The following PDE4A variants were observed in gnomAD, a reference collection of about 807,000 sequenced individuals.
PDE4A encodes the protein 3',5'-cyclic-AMP phosphodiesterase 4A.
Under a neutral mutation model 73.9 loss-of-function variants are expected in PDE4A, and 21 were observed. The ratio of observed to expected loss-of-function variants is 0.28; its 90% CI spans 0.20 to 0.41. The LOEUF (loss-of-function observed/expected upper bound fraction) is 0.41, where lower values mean the gene tolerates loss of function less well. Ranked by LOEUF, PDE4A falls within the 10% of genes least tolerant of loss-of-function variation. PDE4A has a pLI of 1.00. For missense variants in PDE4A, 958 were observed against 1,211.4 expected, an observed-to-expected ratio of 0.79 and a Z score of 3.10; for synonymous variants, 463 against 505.4, an observed-to-expected ratio of 0.92 and a Z score of 1.13.
intron 1 of PDE4A, chr19:10,427,404 T>C (rs1022261418): frequency 4.2e-5 from 32 of 761,516 alleles, no homozygotes; most frequent in Non-Finnish European, 4.6e-5. Context: ...GTGTGTCTGA[T>C]ACGTTGGAGG....
intron 1 of PDE4A, among the ~76,000 whole-genome samples, chr19:10,438,108 C>G (rs2042889271): frequency 6.6e-6 from 1 of 151,394 alleles, no homozygotes; most frequent in African/African-American, 2.4e-5. Context: ...TTCACCCAGC[C>G]TCCAAGACTT....
intron 1 of PDE4A, among the ~76,000 whole-genome samples, chr19:10,433,163 A>ACACACACAGGGC (rs1314496218): frequency 1.9e-4 from 29 of 152,210 alleles, no homozygotes; most frequent in Middle Eastern, 3.4e-3. Context: ...TAACACAGAC[A>ACACACACAGGGC]CACACACAGG....
intron 1 of PDE4A, 42 bp from the exon 2 acceptor site, chr19:10,446,176 C>A (rs200123713): frequency 6.5e-7 from 1 of 1,540,012 alleles, no homozygotes; most frequent in African/African-American, 1.4e-5. Flanking sequence ...TCCCTAATAG[C>A]GTTTCAGCCT....
intron 1 of PDE4A, 82 bp from the exon 2 acceptor site, chr19:10,446,136 C>T (rs1469272453): frequency 2.0e-6 from 3 of 1,499,826 alleles, no homozygotes; most frequent in East Asian, 2.5e-5. Context: ...GCGTGAGCCA[C>T]CGCACCCGGC....
chr19:10,449,020 G>A (rs1429325577), intron 3 of PDE4A, 60 bp from the exon 4 acceptor site: 1 of 1,611,234 alleles, frequency 6.2e-7, no homozygotes, highest in African/African-American at 1.3e-5. Flanking sequence ...TTGGGGACAG[G>A]GCCCAGCCCC....
rs201445920 is a variant in PDE4A at position 10,469,502 on chromosome 19, C to T, written c.*1881C>T. ...GACAGACCCACCCCCAAGCAGGGCT[C>T]CTCTCCCCAGGGTGAGCACAGGACC... On this transcript the variant is annotated 3_prime_UTR_variant, in exon 15 of 15. Coordinates refer to ENST00000380702, the MANE Select transcript of PDE4A (RefSeq NM_001111307.2). The T allele has an allele frequency of 6.6e-6, 1 of 152,410 alleles. No individual in the cohort carries two copies. Among genetic ancestry groups the T allele is most frequent in the Non-Finnish European group, 1.5e-5 (1 of 68,118 alleles). The allele number at this position is 152,410 out of a possible 1,614,324, so 9.4% of individuals were successfully genotyped here.
chr19:10,467,691 C>G lies in PDE4A; in HGVS notation c.*70C>G. 1 of 1,203,468 alleles carries G rather than the reference C, an allele frequency of 8.3e-7. No homozygotes were observed. The highest frequency in any genetic ancestry group is 1.5e-5 in the South Asian group (1 of 64,870). 74.5% of individuals were successfully genotyped at this position (1,203,468 alleles called of 1,614,324 possible). ...CCCCTGCTCCCCCGACCACCTCCTC[C>G]TCTGCCTCAAAGACTCTTGTCCTCT... On this transcript the variant is annotated 3_prime_UTR_variant, in exon 15 of 15. Coordinates refer to ENST00000380702, the MANE Select transcript of PDE4A (RefSeq NM_001111307.2).
At chr19:10,435,701 G>A (rs1245982194) in intron 1 of PDE4A, among the ~76,000 whole-genome samples, 2 of 152,190 alleles carry the variant, frequency 1.3e-5, no homozygotes, top group East Asian at 3.8e-4. Flanking sequence ...AAGGCTGGCA[G>A]CTACCCCTGT....
intron 1 of PDE4A, among the ~76,000 whole-genome samples, chr19:10,432,271 C>A (rs891945853): frequency 6.6e-6 from 1 of 151,826 alleles, no homozygotes; most frequent in Admixed American, 6.5e-5. Context: ...CCGTGCAGAC[C>A]CGGGAACGCT....
At chr19:10,452,924 A>C in intron 6 of PDE4A, 2 of 1,054,698 alleles carry the variant, frequency 1.9e-6, no homozygotes, top group Non-Finnish European at 2.3e-6. Context: ...TGCAGTGAGC[A>C]CACACGCACA....
At chr19:10,450,563 C>T (rs1342440715) in intron 4 of PDE4A, 40 bp from the exon 5 acceptor site, 1 of 1,563,666 alleles carries the variant, frequency 6.4e-7, no homozygotes. Context: ...GGTGGGGGGA[C>T]CCAGGCTGAC....
intron 7 of PDE4A, among the ~76,000 whole-genome samples, chr19:10,455,776 A>C (rs1013042413): frequency 8.5e-5 from 7 of 82,202 alleles, no homozygotes; most frequent in Admixed American, 2.1e-4. Flanking sequence ...AAATAAACAA[A>C]AAAAAAAAGC....
At chr19:10,456,308 A>G (rs2043169460) in intron 7 of PDE4A, among the ~76,000 whole-genome samples, 1 of 152,018 alleles carries the variant, frequency 6.6e-6, no homozygotes, top group African/African-American at 2.4e-5. Context: ...TGGGCAGATC[A>G]TGAGGTCAGG....
At chr19:10,460,351 T>C (rs1410587855) in intron 10 of PDE4A, among the ~76,000 whole-genome samples, 1 of 151,450 alleles carries the variant, frequency 6.6e-6, no homozygotes, top group Non-Finnish European at 1.5e-5. Flanking sequence ...ATACAAAAAT[T>C]AGCCGGGCGT....
chr19:10,417,672 A>C (rs761600067), upstream of PDE4A: 42 of 1,593,680 alleles, frequency 2.6e-5, no homozygotes, highest in African/African-American at 5.4e-5. Context: ...GTCGAGGGAG[A>C]CCCCCGAATC....
intron 1 of PDE4A, among the ~76,000 whole-genome samples, chr19:10,425,236 A>G (rs2042703431): frequency 6.7e-6 from 1 of 148,748 alleles, no homozygotes; most frequent in Admixed American, 6.7e-5. Flanking sequence ...AAAAAAAACA[A>G]AAAACAAAAA....
intron 2 of PDE4A, among the ~76,000 whole-genome samples, chr19:10,447,935 C>T (rs1002879059): frequency 5.3e-5 from 8 of 152,078 alleles, no homozygotes; most frequent in Admixed American, 2.0e-4. Flanking sequence ...GTTCACTGCT[C>T]CCCTCATCAA....
upstream of PDE4A, chr19:10,419,491 C>T (rs908701501): frequency 7.2e-5 from 11 of 152,238 alleles, no homozygotes; most frequent in African/African-American, 2.4e-4. Context: ...CGCTCCGCGG[C>T]TACCTGGGAC....
intron 2 of PDE4A, among the ~76,000 whole-genome samples, chr19:10,446,633 C>T (rs1397915697): frequency 1.3e-5 from 2 of 149,238 alleles, no homozygotes; most frequent in Non-Finnish European, 3.0e-5. Flanking sequence ...CTCGCTCTGT[C>T]GTCCAGGCTG....
Sources: allele counts gnomAD v4.1 joint callset (sites outside exome capture counted in the v4.1 genomes callset), GRCh38; gene constraint gnomAD v4.1.1; transcripts MANE v1.5; gene names NCBI Gene and HGNC (gene_info 2026-07-23, HGNC 2026-07-21).